Variants in KLHL29 observed in about 807,000 individuals in gnomAD.
KLHL29 encodes kelch like family member 29.
Under a neutral mutation model 80.4 loss-of-function variants are expected in KLHL29, and 21 were observed. The observed-to-expected ratio is 0.26, with a 90% CI of 0.19 to 0.38. The LOEUF is 0.38. Among genes scored for constraint, KLHL29 ranks in the 10% least tolerant of loss-of-function variants. The probability of loss-of-function intolerance (pLI) is 1.00; values close to 1 mark genes in which losing one functional copy is unlikely to be tolerated. For synonymous variants in KLHL29, 511 were observed against 526.8 expected (o/e 0.97, Z 0.41); for missense variants, 867 against 1,223.9 (o/e 0.71, Z 4.35).
intron 3 of KLHL29, among the ~76,000 whole-genome samples, chr2:23,608,904 G>A (rs1385771077): frequency 6.6e-6 from 1 of 152,176 alleles, no homozygotes. Flanking sequence ...TGTGATTAAG[G>A]TGCAGATAAG....
At chr2:23,440,139 C>T (rs897775815) in intron 1 of KLHL29, among the ~76,000 whole-genome samples, 8 of 152,010 alleles carry the variant, frequency 5.3e-5, no homozygotes, top group Admixed American at 4.6e-4. Flanking sequence ...GCAACCCCTG[C>T]CTTTTTTTGA....
chr2:23,530,863 C>G (rs1666469164), intron 2 of KLHL29, among the ~76,000 whole-genome samples: 1 of 152,196 alleles, frequency 6.6e-6, no homozygotes, highest in Non-Finnish European at 1.5e-5. Flanking sequence ...CCCCATCCCA[C>G]CAGCTTTGTG....
intron 3 of KLHL29, among the ~76,000 whole-genome samples, chr2:23,604,466 C>T (rs995238975): frequency 3.3e-5 from 5 of 152,148 alleles, no homozygotes; most frequent in Non-Finnish European, 4.4e-5. Context: ...TAAATGGCCC[C>T]ACTGGGACGC....
chr2:23,646,540 A>G (rs1188456276), intron 5 of KLHL29, among the ~76,000 whole-genome samples: 2 of 152,216 alleles, frequency 1.3e-5, no homozygotes, highest in Non-Finnish European at 2.9e-5. Flanking sequence ...AGGGAAAGGT[A>G]TCTCTTCGGA....
chr2:23,693,520 C>T lies in KLHL29; in HGVS notation c.1534C>T (p.Arg512Cys), dbSNP rs753297065. 7 of 1,549,822 alleles carry T rather than the reference C, an allele frequency of 4.5e-6. No homozygotes were observed. The highest frequency in any genetic ancestry group is 6.1e-6 in the Non-Finnish European group (7 of 1,145,600). The change falls in exon 8 of 14, where the codon CGC becomes TGC. Residue 512 changes from arginine (R) to cysteine (C), a missense_variant. Physicochemically the swap from Arg to Cys is radical, Grantham distance 180 (BLOSUM62 -3). Transcript: ENST00000486442. ...GTGGATCAAGAAGGACCCCGCGACACGCACACAGGTGGGGCCTGCCCTGTC... is the reference window on the plus strand; with the variant it reads ...GTGGATCAAGAAGGACCCCGCGACATGCACACAGGTGGGGCCTGCCCTGTC... ...IKWIKKDPATRTQYAAELLAV... is the reference protein window; with the variant it reads ...IKWIKKDPATCTQYAAELLAV...
intron 2 of KLHL29, chr2:23,532,697 G>A (rs573649917): frequency 1.8e-5 from 8 of 455,534 alleles, no homozygotes; most frequent in Non-Finnish European, 1.8e-5. Context: ...GGGTCAGCAT[G>A]GGGGTGGGTG....
intron 3 of KLHL29, among the ~76,000 whole-genome samples, chr2:23,628,572 A>G (rs1669383814): frequency 6.6e-6 from 1 of 152,166 alleles, no homozygotes; most frequent in Non-Finnish European, 1.5e-5. Context: ...GGATCGCTTG[A>G]GCCCAGGAGT....
rs1221875473 is a variant in KLHL29, at chr2:23,700,634, C to G, written c.2106-2552C>G. ...TAAACATTCATCAGCATTCCATTGA[C>G]CCCTCTCAGCTCCGGATTCTTTTCT... On this transcript the variant is annotated intron_variant, in intron 11 of 13. Coordinates refer to ENST00000486442, the MANE Select transcript of KLHL29 (RefSeq NM_052920.2). This position sits in a 1 kb window ranked among gnomAD's most constrained non-coding sequence, Gnocchi z 4.6. Among the ~76,000 whole-genome samples, 1 of 152,232 alleles carries G rather than the reference C, an allele frequency of 6.6e-6. No individual in the cohort carries two copies. The highest frequency in any genetic ancestry group is 1.5e-5 in the Non-Finnish European group (1 of 68,040).
intron 5 of KLHL29, chr2:23,670,097 A>G (rs539305404): frequency 5.3e-5 from 8 of 152,042 alleles, no homozygotes; most frequent in African/African-American, 1.9e-4. Context: ...TCAGGCGTGT[A>G]GATCGTCACG....
chr2:23,417,375 C>G (rs919533796), intron 1 of KLHL29, among the ~76,000 whole-genome samples: 2 of 152,136 alleles, frequency 1.3e-5, no homozygotes, highest in African/African-American at 4.8e-5. Flanking sequence ...ATGGAGTGAC[C>G]GAAGTGAATC....
chr2:23,550,396 C>A (rs765501098), intron 2 of KLHL29, among the ~76,000 whole-genome samples: 1 of 152,112 alleles, frequency 6.6e-6, no homozygotes, highest in African/African-American at 2.4e-5. Flanking sequence ...GAGATGGAGA[C>A]CAGAAAGGTG....
Position 23,652,642 on chromosome 2 carries a change from C to T in KLHL29, c.940+9792C>T, listed in dbSNP as rs79607468. ...TGACAGGCAAGGTGGCCCAGGGAGACGGACTGTCACCTCCTTGGTCTTGAG... is the reference window on the plus strand; with the variant it reads ...TGACAGGCAAGGTGGCCCAGGGAGATGGACTGTCACCTCCTTGGTCTTGAG... On this transcript the variant is annotated intron_variant, in intron 5 of 13. Coordinates refer to ENST00000486442, the MANE Select transcript of KLHL29 (RefSeq NM_052920.2). Among the ~76,000 whole-genome samples the T allele has an allele frequency of 2.9e-3, 441 of 152,276 alleles. 3 individuals carry two copies. The highest frequency in any genetic ancestry group is 0.01 in the African/African-American group (417 of 41,546).
At chr2:23,507,435 G>A (rs922110687) in intron 2 of KLHL29, among the ~76,000 whole-genome samples, 4 of 152,198 alleles carry the variant, frequency 2.6e-5, no homozygotes, top group Admixed American at 6.5e-5. Flanking sequence ...CACAGTGCAC[G>A]GGTGTCCTTC....
intron 1 of KLHL29, among the ~76,000 whole-genome samples, chr2:23,430,873 A>G (rs1386912579): frequency 3.9e-5 from 6 of 152,266 alleles, no homozygotes; most frequent in Admixed American, 2.6e-4. Context: ...GAATTGTCTC[A>G]GGTCAGAGTG....
chr2:23,494,989 C>G (rs1473506686), intron 2 of KLHL29, among the ~76,000 whole-genome samples: 9 of 152,242 alleles, frequency 5.9e-5, no homozygotes, highest in South Asian at 2.1e-4. Context: ...CCTGGGCCTT[C>G]AGTGCTGCCT....
Position 23,696,357 on chromosome 2 carries a change from T to C in KLHL29, c.1949T>C (p.Leu650Pro). The C allele has an allele frequency of 6.4e-7, 1 of 1,551,648 alleles. No homozygotes were observed. The highest frequency in any genetic ancestry group is 8.7e-7 in the Non-Finnish European group (1 of 1,146,986). ...LSGGMESGVT[L>P]ADVWCYMSLL... The stretch of plus-strand genomic sequence containing the variant: ...GGTGGGATGGAATCAGGGGTGACGC[T>C]GGCTGATGTCTGGTGCTACATGTCC... Residue 650 changes from leucine to proline, a missense_variant, in exon 11 of 14, where the codon CTG (leucine) becomes CCG (proline). Around this residue, in one of 2 missense-constraint regions of KLHL29, gnomAD observed 443 missense variants for 767.0 expected, o/e 0.58. Transcript: ENST00000486442. This position sits in a 1 kb window ranked among gnomAD's most constrained non-coding sequence, Gnocchi z 5.5.
intron 2 of KLHL29, among the ~76,000 whole-genome samples, chr2:23,493,830 T>G (rs528744267): frequency 6.6e-6 from 1 of 152,288 alleles, no homozygotes; most frequent in African/African-American, 2.4e-5. Context: ...GTCAAATATT[T>G]AGGATGGATA....
chr2:23,484,942 C>T (rs1664889218), intron 2 of KLHL29, among the ~76,000 whole-genome samples: 1 of 152,196 alleles, frequency 6.6e-6, no homozygotes, highest in South Asian at 2.1e-4. Context: ...CTACCTATCT[C>T]CTGGCAAAGA....
intron 1 of KLHL29, among the ~76,000 whole-genome samples, chr2:23,469,789 G>A (rs1484309945): frequency 8.5e-5 from 13 of 152,160 alleles, no homozygotes; most frequent in Non-Finnish European, 1.9e-4. Context: ...GACATCTTCA[G>A]TGCTGCTGTG....
Sources: gnomAD v4.1 joint callset for allele counts (sites outside exome capture counted in the v4.1 genomes callset) on GRCh38, gnomAD v4.1.1 for gene constraint, gnomAD v4.1.1 regional missense constraint, Gnocchi (gnomAD v3.1) non-coding constraint, MANE v1.5 for transcripts, NCBI Gene and HGNC (gene_info 2026-07-23, HGNC 2026-07-21) for gene names.